The following GPRIN1 variants were observed in gnomAD, a reference collection of about 807,000 sequenced individuals.
GPRIN1 encodes the protein G protein-regulated inducer of neurite outgrowth 1.
GPRIN1 carries 4 observed loss-of-function variants against 2.8 expected under a neutral mutation model. The ratio of observed to expected loss-of-function variants is 1.45; its 90% confidence interval spans 0.71 to 3.32. The LOEUF is 3.32. Ranked by LOEUF, GPRIN1 falls within the 30% of genes most tolerant of loss-of-function variation. The pLI, the probability that GPRIN1 is intolerant of heterozygous loss-of-function variation, is 0.01. For missense variants in GPRIN1, 1,322 were observed against 1,343.4 expected, an observed-to-expected ratio of 0.98 and a Z score of 0.25; for synonymous variants, 589 against 589.9, an observed-to-expected ratio of 1.00 and a Z score of 0.02.
chr5:176,603,035 C>T (rs1046332315), intron 1 of GPRIN1, among the ~76,000 whole-genome samples: 2 of 151,844 alleles, frequency 1.3e-5, no homozygotes, highest in African/African-American at 4.8e-5. Flanking sequence ...TTTCTTTGTG[C>T]GCCCCTTTGT....
At position 176,597,047 on chromosome 5, in the gene GPRIN1, C is replaced by A; in HGVS notation, c.2788G>T (p.Glu930Ter). ...ATGGCCATGCCCAGCACCTCCACCT[C>A]CATGGCGGCGCCGTATACCTCCCAC... Reference protein sequence around the residue: ...MTWEVYGAAMEVEVLGMAIQK... With the variant: ...MTWEVYGAAM Residue 930 changes from glutamate to a stop codon, truncating the protein, a stop_gained, in exon 2 of 2, where the codon GAG becomes TAG. Transcript: ENST00000303991. LOFTEE classifies it high-confidence loss of function. The surrounding 1 kb of genome is among the most constrained non-coding windows in gnomAD (Gnocchi z 6.1). 1.3e-6 allele frequency: 2 copies of A among 1,506,758 alleles called. No individual in the cohort carries two copies. Among genetic ancestry groups the A allele is most frequent in the South Asian group, 1.2e-5 (1 of 80,326 alleles). 93.3% of individuals were successfully genotyped at this position (1,506,758 alleles called of 1,614,324 possible). A position where few individuals can be genotyped will look rare whatever the true frequency, so the allele number is the denominator to read the frequency against.
chr5:176,599,491 G>A lies in GPRIN1; in HGVS notation c.344C>T (p.Ala115Val). The change falls in exon 2 of 2, where the codon GCC becomes GTC. Residue 115 changes from alanine to valine, a missense_variant. Around this residue, in one of 3 missense-constraint regions of GPRIN1, gnomAD observed 1,117 missense variants for 1,128.6 expected, o/e 0.99. Transcript: ENST00000303991. ...PSKETLEAHG[A>V]SISGTPEATT... ...GGCTTCTGGTGTCCCTGAGATGGAG[G>A]CTCCATGTGCCTCCAATGTCTCCTT... The A allele has an allele frequency of 6.2e-7, 1 of 1,611,686 alleles. No individual in the cohort carries two copies. Among genetic ancestry groups the A allele is most frequent in the Non-Finnish European group, 8.5e-7 (1 of 1,178,532 alleles).
At chr5:176,600,972 A>G (rs1220334538) in intron 1 of GPRIN1, among the ~76,000 whole-genome samples, 1 of 152,236 alleles carries the variant, frequency 6.6e-6, no homozygotes, top group Non-Finnish European at 1.5e-5. Flanking sequence ...CACTACTCCC[A>G]TCAGCCAAGT....
rs768168119 is a variant in GPRIN1, at chr5:176,599,085, G to A, written c.750C>T (p.Asp250=). ...KVDPVSSDKV[D]PVFPRKEEPR... ...GCTCCTCCTTTCTTGGGAATACAGG[G>A]TCCACTTTGTCTGAGGACACAGGAT... Residue 250 remains aspartate (D), a synonymous_variant, in exon 2 of 2, where the codon GAC becomes GAT. Coordinates refer to ENST00000303991, the MANE Select transcript of GPRIN1 (RefSeq NM_052899.3). 1 of 1,612,814 alleles carries A rather than the reference G, an allele frequency of 6.2e-7. No individual in the cohort carries two copies. Among genetic ancestry groups the A allele is most frequent in the Admixed American group, 1.7e-5 (1 of 59,924 alleles).
At position 176,597,814 on chromosome 5, in the gene GPRIN1, G is replaced by C; in HGVS notation, c.2021C>G (p.Ser674Cys). 1.2e-6 allele frequency: 2 copies of C among 1,607,400 alleles called. No homozygotes were observed. Among genetic ancestry groups the C allele is most frequent in the Non-Finnish European group, 1.7e-6 (2 of 1,176,684 alleles). The stretch of plus-strand genomic sequence containing the variant: ...GGCAAGGGGCTCTGCTTTTCTGCAG[G>C]ATCCAGGATCCACCTTCTCTGAGGC... The part of the protein sequence containing the change: ...PQASEKVDPG[S>C]CRKAEPLASG... Residue 674 changes from serine (S) to cysteine (C), a missense_variant, in exon 2 of 2, where the codon TCC becomes TGC. By Grantham distance (112) the Ser-to-Cys change is moderately radical. Around this residue, in one of 3 missense-constraint regions of GPRIN1, gnomAD observed 1,117 missense variants for 1,128.6 expected, o/e 0.99. Transcript: ENST00000303991. This position sits in a 1 kb window ranked among gnomAD's most constrained non-coding sequence, Gnocchi z 6.1.
In GPRIN1 at chr5:176,610,110, C is replaced by T. The variant is rs1377873130; in HGVS notation, c.-155G>A. On this transcript the variant is annotated 5_prime_UTR_variant, in exon 1 of 2. Transcript: ENST00000303991. Reference sequence around the variant, plus strand: ...CCTCCGGCCGGGCTGGCGGGAGGACCCGCAGACTCGGCGCCGCCGTCCCCA... The same window carrying T: ...CCTCCGGCCGGGCTGGCGGGAGGACTCGCAGACTCGGCGCCGCCGTCCCCA... 4 of 150,076 alleles carry T rather than the reference C, an allele frequency of 2.7e-5. No homozygotes were observed. The highest frequency in any genetic ancestry group is 6.0e-5 in the Non-Finnish European group (4 of 67,060). 9.3% of individuals were successfully genotyped at this position (150,076 alleles called of 1,614,324 possible). A position where few individuals can be genotyped will look rare whatever the true frequency, so the allele number is the denominator to read the frequency against.
Position 176,597,113 on chromosome 5 carries a change from C to A in GPRIN1, c.2722G>T (p.Glu908Ter). Residue 908 changes from glutamate to a stop codon, truncating the protein, a stop_gained, in exon 2 of 2, where the codon GAG becomes TAG. Transcript: ENST00000303991. LOFTEE classifies it high-confidence loss of function. This position sits in a 1 kb window ranked among gnomAD's most constrained non-coding sequence, Gnocchi z 6.1. The stretch of plus-strand genomic sequence containing the variant: ...TCCCAGCTCACGTCTCGCACGGGCT[C>A]AGCCGGCTCCGGGGGCGCTACAGCG... ...AAAVAPPEPAEPVRDVSWDEK... is the reference protein window; with the variant it reads ...AAAVAPPEPA The A allele has an allele frequency of 1.4e-6, 2 of 1,480,160 alleles. No homozygotes were observed. Among genetic ancestry groups the A allele is most frequent in the Admixed American group, 2.0e-5 (1 of 49,590 alleles). The allele number at this position is 1,480,160 out of a possible 1,614,324, so 91.7% of individuals were successfully genotyped here.
intron 1 of GPRIN1, among the ~76,000 whole-genome samples, chr5:176,606,074 G>A (rs993983812): frequency 6.6e-6 from 1 of 152,114 alleles, no homozygotes; most frequent in African/African-American, 2.4e-5. Flanking sequence ...CCTCTCCCTG[G>A]GTGCAGCCCG....
In GPRIN1 at chr5:176,597,858, C is replaced by T; in HGVS notation, c.1977G>A (p.Leu659=). The part of the protein sequence containing the change: ...AAPGEAGAVC[L]KKETPQASEK... ...CTGAGGCCTGTGGTGTCTCCTTTTT[C>T]AAACACACAGCCCCTGCTTCCCCTG... The change falls in exon 2 of 2, where the codon TTG becomes TTA. Residue 659 remains leucine (L), a synonymous_variant. Coordinates refer to ENST00000303991, the MANE Select transcript of GPRIN1 (RefSeq NM_052899.3). The surrounding 1 kb of genome is among the most constrained non-coding windows in gnomAD (Gnocchi z 6.1). The T allele has an allele frequency of 6.2e-7, 1 of 1,612,320 alleles. No individual in the cohort carries two copies. Among genetic ancestry groups the T allele is most frequent in the Non-Finnish European group, 8.5e-7 (1 of 1,179,568 alleles).
chr5:176,598,192 A>C lies in GPRIN1; in HGVS notation c.1643T>G (p.Val548Gly). Reference protein sequence around the residue: ...TASGKAEPLAVGKEDPVSKGK... With the variant: ...TASGKAEPLAGGKEDPVSKGK... ...CTTGCTCACAGGGTCCTCCTTGCCC[A>C]CCGCGAGGGGCTCGGCCTTCCCTGA... Residue 548 changes from valine to glycine, a missense_variant, in exon 2 of 2, where the codon GTG (valine) becomes GGG (glycine). This residue lies in a region of GPRIN1 where 1,117 missense variants were observed against 1,128.6 expected (regional missense o/e 0.99). Coordinates refer to ENST00000303991, the MANE Select transcript of GPRIN1 (RefSeq NM_052899.3). The C allele has an allele frequency of 1.9e-6, 3 of 1,612,184 alleles. No homozygotes were observed. The highest frequency in any genetic ancestry group is 1.3e-5 in the African/African-American group (1 of 74,890).
In GPRIN1 at chr5:176,599,432, C is replaced by A. The variant is rs563554836; in HGVS notation, c.403G>T (p.Val135Leu). The A allele has an allele frequency of 1.9e-6, 3 of 1,614,216 alleles. No individual in the cohort carries two copies. The East Asian group carries it at 6.7e-5, about 36-fold the overall frequency. ...TSGKPEPVSS[V>L]KTEPKSSDDR... ...TCTGAGGATTTGGGCTCAGTTTTCA[C>A]GGAGGACACAGGCTCTGGCTTCCCA... Residue 135 changes from valine (V) to leucine (L), a missense_variant, in exon 2 of 2, where the codon GTG becomes TTG. Val to Leu is a conservative substitution (Grantham distance 32, BLOSUM62 1). Transcript: ENST00000303991.
Position 176,599,432 on chromosome 5 carries a change from C to T in GPRIN1, c.403G>A (p.Val135Met), listed in dbSNP as rs563554836. 54 of 1,614,214 alleles carry T rather than the reference C, an allele frequency of 3.3e-5. No individual in the cohort carries two copies. The highest frequency in any genetic ancestry group is 6.7e-5 in the Admixed American group (4 of 60,028). The stretch of plus-strand genomic sequence containing the variant: ...TCTGAGGATTTGGGCTCAGTTTTCA[C>T]GGAGGACACAGGCTCTGGCTTCCCA... ...TSGKPEPVSS[V>M]KTEPKSSDDR... The change falls in exon 2 of 2, where the codon GTG (valine) becomes ATG (methionine). Residue 135 changes from valine (V) to methionine (M), a missense_variant. Coordinates refer to ENST00000303991, the MANE Select transcript of GPRIN1 (RefSeq NM_052899.3).
intron 1 of GPRIN1, among the ~76,000 whole-genome samples, chr5:176,606,928 G>A (rs570079742): frequency 3.3e-5 from 5 of 152,138 alleles, no homozygotes; most frequent in Admixed American, 6.5e-5. Flanking sequence ...CAGGCTTCCC[G>A]TCCCCAACTT....
In GPRIN1 at chr5:176,597,615, AC is replaced by A; in HGVS notation, c.2219del (p.Gly740ValfsTer87). The stretch of plus-strand genomic sequence containing the variant: ...CCACGCGGCCTTCACTGCCCCTGGC[AC>A]CCTCGGGAGACCGGGCTGAGCCGAG... ...KALGSARSPEGARGSEGRVEP... is the reference protein window; with the variant it reads ...KALGSARSPEXARGSEGRVEP... On this transcript the variant is annotated frameshift_variant, in exon 2 of 2. Coordinates refer to ENST00000303991, the MANE Select transcript of GPRIN1 (RefSeq NM_052899.3). LOFTEE classifies it low-confidence loss of function (END_TRUNC). The surrounding 1 kb of genome is among the most constrained non-coding windows in gnomAD (Gnocchi z 6.1). 1 of 1,599,792 alleles carries A rather than the reference AC, an allele frequency of 6.3e-7. No individual in the cohort carries two copies.
rs774054799 is a variant in GPRIN1 at position 176,599,838 on chromosome 5, C to T, written c.-4G>A. On this transcript the variant is annotated 5_prime_UTR_variant, in exon 2 of 2. Transcript: ENST00000303991. The stretch of plus-strand genomic sequence containing the variant: ...CCGGGTCTTCAGCAGTGTCCATCTG[C>T]CCTCATGACCACGCCTGCACCCAAG... 13 of 1,464,054 alleles carry T rather than the reference C, an allele frequency of 8.9e-6. 1 individual carries two copies. In the Admixed American group the frequency reaches 2.9e-4, roughly 33 times the overall value. The allele number at this position is 1,464,054 out of a possible 1,614,324, so 90.7% of individuals were successfully genotyped here.
chr5:176,598,232 C>G lies in GPRIN1; in HGVS notation c.1603G>C (p.Ala535Pro). 1 of 1,612,706 alleles carries G rather than the reference C, an allele frequency of 6.2e-7. No individual in the cohort carries two copies. The highest frequency in any genetic ancestry group is 8.5e-7 in the Non-Finnish European group (1 of 1,179,880). ...EKAGLVASGK[A>P]APTASGKAEP... ...GCCTTCCCTGAGGCTGTGGGAGCCGCCTTTCCAGAGGCCACCAGACCTGCC... is the reference window on the plus strand; with the variant it reads ...GCCTTCCCTGAGGCTGTGGGAGCCGGCTTTCCAGAGGCCACCAGACCTGCC... The change falls in exon 2 of 2, where the codon GCG becomes CCG. Residue 535 changes from alanine to proline, a missense_variant. Ala to Pro is a conservative substitution (Grantham distance 27). This residue lies in a region of GPRIN1 where 1,117 missense variants were observed against 1,128.6 expected (regional missense o/e 0.99). Transcript: ENST00000303991.
At position 176,596,977 on chromosome 5, in the gene GPRIN1, C is replaced by A. The variant is rs757723469; in HGVS notation, c.2858G>T (p.Gly953Val). The A allele has an allele frequency of 3.6e-6, 5 of 1,376,316 alleles. No homozygotes were observed. The South Asian group carries it at 9.5e-5, about 26-fold the overall frequency. 85.3% of individuals were successfully genotyped at this position (1,376,316 alleles called of 1,614,324 possible). The stretch of plus-strand genomic sequence containing the variant: ...GGCGGCGGGCGGCGGCGCGGGCGCC[C>A]CTTGGCGGCCGTGCTCCTCGATCTG... ...ERQIEEHGRQ[G>V]APAPPPAARA... The change falls in exon 2 of 2, where the codon GGG (glycine) becomes GTG (valine). Residue 953 changes from glycine (G) to valine (V), a missense_variant. Around this residue, in one of 3 missense-constraint regions of GPRIN1, gnomAD observed 196 missense variants for 189.2 expected, o/e 1.04. Coordinates refer to ENST00000303991, the MANE Select transcript of GPRIN1 (RefSeq NM_052899.3). The surrounding 1 kb of genome is among the most constrained non-coding windows in gnomAD (Gnocchi z 5.2).
At chr5:176,604,541 A>G (rs1248090095) in intron 1 of GPRIN1, among the ~76,000 whole-genome samples, 1 of 152,016 alleles carries the variant, frequency 6.6e-6, no homozygotes, top group African/African-American at 2.4e-5. Context: ...TGATCTCTTG[A>G]GGCCAAGAGT....
chr5:176,605,237 G>A (rs1759206863), intron 1 of GPRIN1, among the ~76,000 whole-genome samples: 1 of 151,928 alleles, frequency 6.6e-6, no homozygotes, highest in Non-Finnish European at 1.5e-5. Flanking sequence ...GGGGCTACAG[G>A]CGCACATCAC....
Sources: gnomAD v4.1 joint callset for allele counts (sites outside exome capture counted in the v4.1 genomes callset) on GRCh38, gnomAD v4.1.1 for gene constraint, gnomAD v4.1.1 regional missense constraint, Gnocchi (gnomAD v3.1) non-coding constraint, MANE v1.5 for transcripts, NCBI Gene and HGNC (gene_info 2026-07-23, HGNC 2026-07-21) for gene names.